The following EYS variants were observed in gnomAD, a reference collection of about 807,000 sequenced individuals.
EYS encodes protein eyes shut homolog.
EYS carries 250 observed loss-of-function variants against 282.1 expected under a neutral mutation model. The observed-to-expected ratio is 0.89, with a 90% confidence interval of 0.80 to 0.98. EYS has a LOEUF of 0.98. Ranked by LOEUF, EYS falls within the 50% of genes least tolerant of loss-of-function variation. The probability of loss-of-function intolerance (pLI) is 0.00; values close to 1 mark genes in which losing one functional copy is unlikely to be tolerated. For synonymous variants in EYS, 1,355 were observed against 1,282.9 expected (o/e 1.06, Z -1.20); for missense variants, 4,016 against 3,709.0 (o/e 1.08, Z -2.15).
At chr6:65,456,132 T>C (rs35855142) in intron 5 of EYS, among the ~76,000 whole-genome samples, 14,953 of 151,426 alleles carry the variant, frequency 0.099, 984 homozygotes, top group South Asian at 0.19. Flanking sequence ...TTCAGCAATA[T>C]CCTAAAAAAT....
intron 35 of EYS, among the ~76,000 whole-genome samples, chr6:63,960,674 T>A (rs1766019742): frequency 1.3e-5 from 2 of 152,084 alleles, no homozygotes; most frequent in Non-Finnish European, 2.9e-5. Flanking sequence ...TCAGCAGTGA[T>A]CAATATCAAG....
At chr6:64,791,130 T>C (rs1774178358) in intron 22 of EYS, among the ~76,000 whole-genome samples, 1 of 151,906 alleles carries the variant, frequency 6.6e-6, no homozygotes, top group Non-Finnish European at 1.5e-5. Flanking sequence ...GCTCATTGTT[T>C]TGCATAATGT....
At chr6:65,266,882 G>GTATATA (rs1401353247) in intron 12 of EYS, among the ~76,000 whole-genome samples, 40 of 124,872 alleles carry the variant, frequency 3.2e-4, no homozygotes, top group African/African-American at 8.6e-4. Flanking sequence ...ATCTTAATGT[G>GTATATA]TGTGCATATA....
chr6:64,765,625 T>C (rs1339467401), intron 22 of EYS, among the ~76,000 whole-genome samples: 1 of 152,114 alleles, frequency 6.6e-6, no homozygotes, highest in East Asian at 1.9e-4. Flanking sequence ...GGAAGCATGA[T>C]TGGGAGGACT....
intron 15 of EYS, among the ~76,000 whole-genome samples, chr6:64,930,427 T>C (rs1325537049): frequency 6.9e-6 from 1 of 144,746 alleles, no homozygotes; most frequent in Non-Finnish European, 1.5e-5. Context: ...TTTGCTTTTA[T>C]ATTAGCACTT....
At chr6:64,652,334 G>C (rs1373090511) in intron 22 of EYS, among the ~76,000 whole-genome samples, 1 of 152,178 alleles carries the variant, frequency 6.6e-6, no homozygotes, top group Non-Finnish European at 1.5e-5. Context: ...GGCACAGAAA[G>C]GGCAGAAAGA....
chr6:64,378,165 TAACAGAC>T (rs2067298), intron 29 of EYS, among the ~76,000 whole-genome samples: 103,376 of 151,048 alleles, frequency 0.68, 35,367 homozygotes, highest in South Asian at 0.71. Flanking sequence ...GAGGAATGGT[TAACAGAC>T]AACATCAGTG....
At chr6:64,239,901 G>A (rs1209196527) in intron 30 of EYS, among the ~76,000 whole-genome samples, 4 of 152,100 alleles carry the variant, frequency 2.6e-5, no homozygotes, top group Non-Finnish European at 4.4e-5. Flanking sequence ...TTACATTTAC[G>A]TCTTTAATCC....
intron 31 of EYS, among the ~76,000 whole-genome samples, chr6:64,119,978 T>C (rs77961873): frequency 0.049 from 7,491 of 151,970 alleles, 563 homozygotes; most frequent in African/African-American, 0.16. Flanking sequence ...ATTAAACTTA[T>C]TAGTGTTTTA....
intron 15 of EYS, among the ~76,000 whole-genome samples, chr6:64,929,359 C>T (rs1165411699): frequency 6.6e-6 from 1 of 152,110 alleles, no homozygotes; most frequent in African/African-American, 2.4e-5. Context: ...TCTTTCAACT[C>T]AGTTTTGGTG....
intron 2 of EYS, among the ~76,000 whole-genome samples, chr6:65,619,404 G>A (rs990469105): frequency 6.6e-6 from 1 of 152,146 alleles, no homozygotes; most frequent in African/African-American, 2.4e-5. Context: ...CATTGATCTT[G>A]TATCCTGAGA....
intron 1 of EYS, among the ~76,000 whole-genome samples, chr6:65,656,555 C>T (rs1357656278): frequency 1.3e-5 from 2 of 151,790 alleles, no homozygotes; most frequent in South Asian, 2.1e-4. Flanking sequence ...TCTTCAATTA[C>T]GTGAAGACAG....
intron 31 of EYS, among the ~76,000 whole-genome samples, chr6:64,144,210 C>T (rs1774437569): frequency 6.6e-6 from 1 of 152,162 alleles, no homozygotes; most frequent in South Asian, 2.1e-4. Context: ...AATTATGCCA[C>T]AGCAAGCCAG....
At chr6:64,485,712 C>T (rs1041577326) in intron 26 of EYS, among the ~76,000 whole-genome samples, 64 of 151,442 alleles carry the variant, frequency 4.2e-4, no homozygotes, top group African/African-American at 1.5e-3. Flanking sequence ...CCAAATGAAG[C>T]ATGTCATATA....
At chr6:64,546,338 G>A (rs1764866759) in intron 26 of EYS, among the ~76,000 whole-genome samples, 1 of 152,194 alleles carries the variant, frequency 6.6e-6, no homozygotes, top group Non-Finnish European at 1.5e-5. Context: ...GCTGAAACTG[G>A]ATCCGTTCCT....
chr6:63,984,735 G>A, intron 34 of EYS, 132 bp from the exon 35 acceptor site: 2 of 735,060 alleles, frequency 2.7e-6, no homozygotes, highest in South Asian at 3.5e-5. Context: ...GCTATTGTTG[G>A]CTAGTTTTGT....
At chr6:64,603,935 G>T (rs1298398865) in intron 24 of EYS, among the ~76,000 whole-genome samples, 5 of 150,902 alleles carry the variant, frequency 3.3e-5, no homozygotes, top group Admixed American at 6.7e-5. Context: ...CAAAAAGGTG[G>T]CCAAGCTCTC....
intron 30 of EYS, among the ~76,000 whole-genome samples, chr6:64,305,700 T>C (rs893541143): frequency 2.0e-5 from 3 of 152,160 alleles, no homozygotes; most frequent in African/African-American, 7.2e-5. Context: ...ATGACCCAAA[T>C]AGTTGGACCC....
At position 65,115,307 on chromosome 6, in the gene EYS, A is replaced by G. The variant is rs143040001; in HGVS notation, c.2024-57580T>C. On this transcript the variant is annotated intron_variant, in intron 12 of 42. Transcript: ENST00000503581. The stretch of plus-strand genomic sequence containing the variant: ...TGACCATTGAAGTTTTCAATGACCT[A>G]ATGTATATGTGCCTATCCATGTTCA... Among the ~76,000 whole-genome samples, 1,284 of 152,202 alleles carry G rather than the reference A, an allele frequency of 8.4e-3. 9 individuals carry two copies. Among genetic ancestry groups the G allele is most frequent in the Non-Finnish European group, 0.012 (788 of 67,948 alleles).
Sources: allele counts gnomAD v4.1 joint callset (sites outside exome capture counted in the v4.1 genomes callset), GRCh38; gene constraint gnomAD v4.1.1; transcripts MANE v1.5; gene names NCBI Gene and HGNC (gene_info 2026-07-23, HGNC 2026-07-21).